Variants in ZNF335 observed in about 807,000 individuals in gnomAD.
The protein encoded by ZNF335 is zinc finger protein 335.
ZNF335 carries 84 observed loss-of-function variants against 145.6 expected under a neutral mutation model. The observed-to-expected ratio is 0.58, with a 90% CI of 0.48 to 0.69. ZNF335 has a LOEUF of 0.69. Ranked by LOEUF, ZNF335 falls within the 30% of genes least tolerant of loss-of-function variation. ZNF335 has a pLI of 0.00. For synonymous variants in ZNF335, 761 were observed against 717.0 expected, an observed-to-expected ratio of 1.06 and a Z score of -0.98; for missense variants, 1,865 against 1,809.7, an observed-to-expected ratio of 1.03 and a Z score of -0.55.
chr20:45,952,056 T>C (rs1036754111), intron 20 of ZNF335, 91 bp downstream of exon 20: 1 of 1,478,952 alleles, frequency 6.8e-7, no homozygotes, highest in Non-Finnish European at 9.0e-7. Context: ...GAGCAGAGGA[T>C]CTGGCTTGAA....
intron 10 of ZNF335, chr20:45,961,505 T>TTC (rs397802426): frequency 6.7e-6 from 1 of 150,116 alleles, no homozygotes; most frequent in Non-Finnish European, 1.5e-5. Context: ...TTTTTTTTTT[T>TTC]CATTTAAAAA....
intron 3 of ZNF335, 107 bp downstream of exon 3, chr20:45,969,344 A>C: frequency 7.5e-7 from 1 of 1,336,342 alleles, no homozygotes; most frequent in South Asian, 2.2e-5. Context: ...CACTCTGCAC[A>C]TTCCACATGG....
At position 45,952,312 on chromosome 20, in the gene ZNF335, C is replaced by T. The variant is rs149107421; in HGVS notation, c.3024G>A (p.Pro1008=). 1.7e-4 allele frequency: 274 copies of T among 1,613,272 alleles called. No individual in the cohort carries two copies. Among genetic ancestry groups the T allele is most frequent in the Non-Finnish European group, 2.2e-4 (263 of 1,179,954 alleles). The change falls in exon 20 of 28, where the codon CCG becomes CCA. Residue 1008 remains proline, a synonymous_variant. Transcript: ENST00000322927. ...KALGLAVPPS[P]PSAATAASKK... Reference sequence around the variant, plus strand: ...TTGATGCAGCAGTGGCTGCAGATGGCGGTGACGGGGGCACTGCCAGGCCCA... The same window carrying T: ...TTGATGCAGCAGTGGCTGCAGATGGTGGTGACGGGGGCACTGCCAGGCCCA...
rs1306938661 is a variant in ZNF335, at chr20:45,964,121, CAT to C, written c.1103-133_1103-132del. The C allele has an allele frequency of 5.3e-6, 6 of 1,140,630 alleles. No homozygotes were observed. The African/African-American group carries it at 9.4e-5, about 18-fold the overall frequency. 70.7% of individuals were successfully genotyped at this position (1,140,630 alleles called of 1,614,324 possible). A position where few individuals can be genotyped will look rare whatever the true frequency, so the allele number is the denominator to read the frequency against. ...GACCACTGATGGGTGCATTGAGTCA[CAT>C]GACACAGACAGCCTGTGGTTAGAGG... On this transcript the variant is annotated intron_variant, in intron 7 of 27. Coordinates refer to ENST00000322927, the MANE Select transcript of ZNF335 (RefSeq NM_022095.4).
At chr20:45,970,937 G>A (rs960620781) in intron 2 of ZNF335, among the ~76,000 whole-genome samples, 5 of 152,094 alleles carry the variant, frequency 3.3e-5, no homozygotes, top group Admixed American at 2.0e-4. Flanking sequence ...TAGTATAGTA[G>A]CTAAGACCAC....
chr20:45,953,588 AT>A, intron 18 of ZNF335, 100 bp downstream of exon 18: 2 of 1,500,224 alleles, frequency 1.3e-6, no homozygotes, highest in Non-Finnish European at 1.8e-6. Context: ...GTGTATTGGG[AT>A]TTTTGCCTCC....
chr20:45,960,778 G>A (rs755646452), intron 11 of ZNF335, 46 bp from the exon 12 acceptor site: 1 of 1,612,316 alleles, frequency 6.2e-7, no homozygotes, highest in Admixed American at 1.7e-5. Flanking sequence ...AAGTGGAGGA[G>A]GGAGGATAAA....
At chr20:45,965,803 G>A (rs1444920956) in intron 6 of ZNF335, 29 bp from the exon 7 acceptor site, 1 of 1,585,598 alleles carries the variant, frequency 6.3e-7, no homozygotes, top group African/African-American at 1.4e-5. Context: ...TTGGTGAACA[G>A]TGAGTGGCGG....
chr20:45,956,947 A>G (rs2083739259), intron 17 of ZNF335, among the ~76,000 whole-genome samples: 1 of 152,210 alleles, frequency 6.6e-6, no homozygotes, highest in South Asian at 2.1e-4. Context: ...ATACACCCCT[A>G]ACTGCCATGA....
Position 45,972,154 on chromosome 20 carries a change from T to TCCGGCATCGACGAGGTCG in ZNF335, c.-101_-84dup. ...TTTCGTAGCCACGTTCCTCTCTGAC[T>TCCGGCATCGACGAGGTCG]CCGGCATCGACGAGGTCGCCATCCT... On this transcript the variant is annotated 5_prime_UTR_variant, in exon 1 of 28. In the 5' UTR this introduces an upstream ATG that the reference lacks. Transcript: ENST00000322927. 1 of 1,289,246 alleles carries TCCGGCATCGACGAGGTCG rather than the reference T, an allele frequency of 7.8e-7. No homozygotes were observed. Among genetic ancestry groups the TCCGGCATCGACGAGGTCG allele is most frequent in the South Asian group, 1.2e-5 (1 of 80,854 alleles). The allele number at this position is 1,289,246 out of a possible 1,614,324, so 79.9% of individuals were successfully genotyped here.
chr20:45,969,596 C>T lies in ZNF335; in HGVS notation c.297G>A (p.Val99=), dbSNP rs1466435087. The T allele has an allele frequency of 6.2e-7, 1 of 1,606,488 alleles. No homozygotes were observed. Among genetic ancestry groups the T allele is most frequent in the Non-Finnish European group, 8.5e-7 (1 of 1,174,582 alleles). ...SSVSHGPVAG[V]TGGPPALVHS... ...GCACAAGTGCTGGGGGACCGCCTGTCACCCCTGCCACTGGCCCATGAGACA... is the reference window on the plus strand; with the variant it reads ...GCACAAGTGCTGGGGGACCGCCTGTTACCCCTGCCACTGGCCCATGAGACA... The change falls in exon 3 of 28, where the codon GTG becomes GTA. Residue 99 remains valine (V), a synonymous_variant. Transcript: ENST00000322927.
At chr20:45,958,075 G>A (rs2083762421) in intron 15 of ZNF335, 147 bp from the exon 16 acceptor site, 2 of 641,106 alleles carry the variant, frequency 3.1e-6, no homozygotes, top group South Asian at 1.9e-5. Context: ...TTTTGAGATG[G>A]AGTCTCTCTG....
chr20:45,966,551 CTTT>C (rs34666532), intron 6 of ZNF335, among the ~76,000 whole-genome samples: 2 of 140,556 alleles, frequency 1.4e-5, no homozygotes. Context: ...CTTTTTCTTT[CTTT>C]TTTTTTTTTT....
Position 45,960,272 on chromosome 20 carries a change from G to C in ZNF335, c.1956C>G (p.Ser652Arg). ...CTCGGAAGGTGCGGTAGGGACAAAA[G>C]CTGCATTTGAAGGGCTTGTCACTGA... ...SHVSDKPFKCSFCPYRTFRED... is the reference protein window; with the variant it reads ...SHVSDKPFKCRFCPYRTFRED... The change falls in exon 14 of 28, where the codon AGC (serine) becomes AGG (arginine). Residue 652 changes from serine (S) to arginine (R), a missense_variant. Physicochemically the swap from Ser to Arg is moderately radical, Grantham distance 110. Transcript: ENST00000322927. 6.2e-7 allele frequency: 1 copy of C among 1,614,194 alleles called. No individual in the cohort carries two copies. The highest frequency in any genetic ancestry group is 2.2e-5 in the East Asian group (1 of 44,884).
Position 45,963,621 on chromosome 20 carries a change from A to G in ZNF335, c.1385T>C (p.Leu462Ser). ...KYYYKSPKPL[L>S]RPFLCRICGS... ...ACAGATGCGGCACAGGAAGGGCCTC[A>G]AAAGTGGTTTGGGCGACTTGTAATA... The change falls in exon 9 of 28, where the codon TTG becomes TCG. Residue 462 changes from leucine (L) to serine (S), a missense_variant. Coordinates refer to ENST00000322927, the MANE Select transcript of ZNF335 (RefSeq NM_022095.4). 1.2e-6 allele frequency: 2 copies of G among 1,614,230 alleles called. No homozygotes were observed. Among genetic ancestry groups the G allele is most frequent in the South Asian group, 2.2e-5 (2 of 91,088 alleles).
At position 45,971,441 on chromosome 20, in the gene ZNF335, T is replaced by C. The variant is rs1469624478; in HGVS notation, c.-31A>G. On this transcript the variant is annotated 5_prime_UTR_variant, in exon 2 of 28. Transcript: ENST00000322927. ...CGGCGGGCTGCCTGACAGCGGGGCG[T>C]AGGGTCTGGGAACTTCACTCTGAGA... 6.3e-7 allele frequency: 1 copy of C among 1,596,422 alleles called. No individual in the cohort carries two copies. The highest frequency in any genetic ancestry group is 8.5e-7 in the Non-Finnish European group (1 of 1,178,686).
Position 45,959,431 on chromosome 20 carries a change from C to G in ZNF335, c.2023G>C (p.Ala675Pro), listed in dbSNP as rs150002015. Residue 675 changes from alanine (A) to proline (P), a missense_variant and splice_region_variant, in exon 15 of 28, where the codon GCC becomes CCC. Physicochemically the swap from Ala to Pro is conservative, Grantham distance 27. Coordinates refer to ENST00000322927, the MANE Select transcript of ZNF335 (RefSeq NM_022095.4). ...CAGTACTCACAGGCGAAGGGCTTGG[C>G]CCCTGGAGGCACATGTTGGGGCATG... ...LSHVAVKHTGAKPFACEYCHF... is the reference protein window; with the variant it reads ...LSHVAVKHTGPKPFACEYCHF... 5 of 1,442,076 alleles carry G rather than the reference C, an allele frequency of 3.5e-6. No homozygotes were observed. The African/African-American group carries it at 7.3e-5, about 21-fold the overall frequency. 89.3% of individuals were successfully genotyped at this position (1,442,076 alleles called of 1,614,324 possible). A position where few individuals can be genotyped will look rare whatever the true frequency, so the allele number is the denominator to read the frequency against.
Position 45,957,683 on chromosome 20 carries a change from G to A in ZNF335, c.2348-3C>T, listed in dbSNP as rs764930234. 2.5e-6 allele frequency: 4 copies of A among 1,613,946 alleles called. No individual in the cohort carries two copies. In the Admixed American group the frequency reaches 5.0e-5, roughly 20 times the overall value. ...CATCGCTGTCGACTCCTCAGCTCCT[G>A]GGTGGGGTGGGACCTAAGCCTGACA... On this transcript the variant is annotated splice_region_variant and splice_polypyrimidine_tract_variant and intron_variant, in intron 16 of 27. Coordinates refer to ENST00000322927, the MANE Select transcript of ZNF335 (RefSeq NM_022095.4).
intron 9 of ZNF335, among the ~76,000 whole-genome samples, chr20:45,962,809 T>TG (rs200129661): frequency 0.011 from 1,210 of 105,228 alleles, 40 homozygotes; most frequent in African/African-American, 0.033. Context: ...CCGTTTTTTT[T>TG]TTTTTGTTTG....
Sources: gnomAD v4.1 joint callset for allele counts (sites outside exome capture counted in the v4.1 genomes callset) on GRCh38, gnomAD v4.1.1 for gene constraint, MANE v1.5 for transcripts, NCBI Gene and HGNC (gene_info 2026-07-23, HGNC 2026-07-21) for gene names.